METTL2B: variants seen among roughly 807,000 people sequenced by gnomAD.
METTL2B encodes tRNA N(3)-cytidine methyltransferase METTL2B.
A neutral mutation model predicts 51.0 loss-of-function variants in METTL2B; 28 were observed. The ratio of observed to expected loss-of-function variants is 0.55; its 90% confidence interval spans 0.41 to 0.75. The LOEUF is 0.75. METTL2B is among the 30% of genes least tolerant of loss of function. The pLI is 0.00. For missense variants in METTL2B, 313 were observed against 460.7 expected (o/e 0.68, Z 2.93); for synonymous variants, 128 against 166.3 (o/e 0.77, Z 1.77).
At chr7:128,501,074 T>C (rs1793020156) in intron 8 of METTL2B, 106 bp downstream of exon 8, 4 of 1,565,082 alleles carry the variant, frequency 2.6e-6, no homozygotes, top group Non-Finnish European at 3.5e-6. Flanking sequence ...TTAGGCAGGC[T>C]GTTTCCTTCG....
chr7:128,501,761 G>A lies in METTL2B; in HGVS notation c.983-1G>A. The A allele has an allele frequency of 6.2e-7, 1 of 1,613,874 alleles. No homozygotes were observed. Among genetic ancestry groups the A allele is most frequent in the South Asian group, 1.1e-5 (1 of 91,008 alleles). On this transcript the variant is annotated splice_acceptor_variant, in intron 8 of 8. Transcript: ENST00000262432. LOFTEE classifies it high-confidence loss of function. ...TAAACATCTTTTATTTTCCACACTA[G>A]AGGAACTGGACACGCTTTTCACCAC...
chr7:128,479,135 A>C (rs1799841306), intron 2 of METTL2B, 23 bp from the exon 3 acceptor site: 2 of 1,568,068 alleles, frequency 1.3e-6, no homozygotes, highest in African/African-American at 1.4e-5. Flanking sequence ...TGGTTCTTAA[A>C]ATTTTTTCTT....
At chr7:128,501,396 G>A (rs1346043188) in intron 8 of METTL2B, 3 of 985,440 alleles carry the variant, frequency 3.0e-6, no homozygotes, top group Non-Finnish European at 3.6e-6. Flanking sequence ...TGGGCCTTCT[G>A]TTCCTGGGCC....
chr7:128,477,264 A>G, intron 2 of METTL2B, 91 bp downstream of exon 2: 14 of 1,541,906 alleles, frequency 9.1e-6, no homozygotes, highest in Non-Finnish European at 1.2e-5. Context: ...GGCCGCCCAC[A>G]TCCTTTATTC....
At chr7:128,496,401 A>G (rs1447614430) in intron 6 of METTL2B, among the ~76,000 whole-genome samples, 1 of 152,084 alleles carries the variant, frequency 6.6e-6, no homozygotes, top group Non-Finnish European at 1.5e-5. Flanking sequence ...AAAATAAAAA[A>G]ATTAGCCAGG....
At position 128,498,079 on chromosome 7, in the gene METTL2B, G is replaced by A; in HGVS notation, c.853G>A (p.Gly285Arg). ...CAGGCTGAGCAGGCTTCTGAAACCT[G>A]GGGGGATGGTACTTCTGCGAGATTA... The part of the protein sequence containing the change: ...INRLSRLLKP[G>R]GMVLLRDYGR... Residue 285 changes from glycine (G) to arginine (R), a missense_variant, in exon 7 of 9, where the codon GGG (glycine) becomes AGG (arginine). By Grantham distance (125) the Gly-to-Arg change is moderately radical (BLOSUM62 -2). Coordinates refer to ENST00000262432, the MANE Select transcript of METTL2B (RefSeq NM_018396.3). 1 of 1,613,582 alleles carries A rather than the reference G, an allele frequency of 6.2e-7. No individual in the cohort carries two copies. Among genetic ancestry groups the A allele is most frequent in the African/African-American group, 1.3e-5 (1 of 75,008 alleles).
chr7:128,478,358 C>T (rs1437090933), intron 2 of METTL2B, among the ~76,000 whole-genome samples: 3 of 151,196 alleles, frequency 2.0e-5, no homozygotes, highest in Non-Finnish European at 2.9e-5. Flanking sequence ...TGAAGCGATT[C>T]CCCTGCCTCA....
intron 4 of METTL2B, among the ~76,000 whole-genome samples, chr7:128,482,530 C>A (rs911950656): frequency 5.3e-5 from 8 of 152,016 alleles, no homozygotes; most frequent in African/African-American, 1.9e-4. Context: ...ATTTATTATA[C>A]CATACCTGTT....
chr7:128,492,561 C>G (rs527977198), intron 5 of METTL2B, among the ~76,000 whole-genome samples: 4 of 151,986 alleles, frequency 2.6e-5, no homozygotes, highest in Non-Finnish European at 5.9e-5. Flanking sequence ...GGATTCTAGG[C>G]GTGATCCACT....
rs868609660 is a variant in METTL2B, at chr7:128,502,617, C to G, written c.*701C>G. On this transcript the variant is annotated 3_prime_UTR_variant, in exon 9 of 9. Coordinates refer to ENST00000262432, the MANE Select transcript of METTL2B (RefSeq NM_018396.3). The stretch of plus-strand genomic sequence containing the variant: ...GTGGTCTTTGCTTTAATCTTAGTTC[C>G]GCCAGGCACGGTGGCTCACACCTGT... The G allele has an allele frequency of 2.2e-6, 1 of 453,588 alleles. No individual in the cohort carries two copies. The allele number at this position is 453,588 out of a possible 1,614,324, so 28.1% of individuals were successfully genotyped here.
At chr7:128,479,562 G>C in intron 3 of METTL2B, 49 bp downstream of exon 3, 2 of 1,575,778 alleles carry the variant, frequency 1.3e-6, no homozygotes, top group Non-Finnish European at 1.7e-6. Flanking sequence ...TATTATATTT[G>C]TGCACATGAG....
chr7:128,496,242 A>G (rs921020116), intron 6 of METTL2B, among the ~76,000 whole-genome samples: 3 of 152,156 alleles, frequency 2.0e-5, no homozygotes, highest in Non-Finnish European at 4.4e-5. Context: ...ATGGTTTTAA[A>G]CTTTAATAAT....
Position 128,493,938 on chromosome 7 carries a change from A to G in METTL2B, c.804A>G (p.Pro268=). The change falls in exon 6 of 9, where the codon CCA becomes CCG. Residue 268 remains proline (P), a synonymous_variant. Transcript: ENST00000262432. ...TATTTGTTCTTTCAGCAGTTGTTCC[A>G]GACAAGTAAGTTTGGGTCCCTTAGC... ...ILIFVLSAVV[P]DKMQKAINRL... The G allele has an allele frequency of 6.3e-7, 1 of 1,592,070 alleles. No homozygotes were observed. The highest frequency in any genetic ancestry group is 1.9e-5 in the Admixed American group (1 of 52,676).
Position 128,477,164 on chromosome 7 carries a change from G to A in METTL2B, c.193G>A (p.Glu65Lys), listed in dbSNP as rs758023816. Residue 65 changes from glutamate (E) to lysine (K), a missense_variant, in exon 2 of 9, where the codon GAG (glutamate) becomes AAG (lysine). Glu to Lys is a moderately conservative substitution (Grantham distance 56). This residue lies in a region of METTL2B where 67 missense variants were observed against 101.4 expected (regional missense o/e 0.66). Transcript: ENST00000262432. ...QENSIQRVCQ[E>K]KQVDYEINAH... ...GAACAGTATCCAGCGGGTGTGCCAG[G>A]AGAAACAAGGTGCGCTTAAATGGGC... 5 of 1,613,906 alleles carry A rather than the reference G, an allele frequency of 3.1e-6. No individual in the cohort carries two copies. Among genetic ancestry groups the A allele is most frequent in the Middle Eastern group, 1.7e-4 (1 of 6,056 alleles).
At chr7:128,494,747 C>G (rs1175595866) in intron 6 of METTL2B, among the ~76,000 whole-genome samples, 1 of 152,150 alleles carries the variant, frequency 6.6e-6, no homozygotes, top group Non-Finnish European at 1.5e-5. Context: ...CCTGCCTCAA[C>G]CTCCCGAGTA....
intron 5 of METTL2B, among the ~76,000 whole-genome samples, chr7:128,492,307 C>T (rs1470481433): frequency 2.6e-5 from 4 of 151,852 alleles, no homozygotes; most frequent in African/African-American, 9.7e-5. Flanking sequence ...CAGGCGGGTG[C>T]CACTGCACCC....
At chr7:128,485,169 A>G (rs917964031) in intron 4 of METTL2B, among the ~76,000 whole-genome samples, 4 of 152,204 alleles carry the variant, frequency 2.6e-5, no homozygotes, top group African/African-American at 9.7e-5. Flanking sequence ...TCTGATTTTA[A>G]AAATAATACT....
intron 2 of METTL2B, 60 bp downstream of exon 2, chr7:128,477,233 C>G: frequency 1.2e-6 from 2 of 1,605,430 alleles, no homozygotes; most frequent in Non-Finnish European, 1.7e-6. Flanking sequence ...ACGCGCCCTC[C>G]CGGAGAGGCC....
chr7:128,496,734 G>A (rs1792929201), intron 6 of METTL2B, among the ~76,000 whole-genome samples: 1 of 151,694 alleles, frequency 6.6e-6, no homozygotes, highest in Admixed American at 6.6e-5. Context: ...GGGCAACATA[G>A]CATAGCAGGA....
Sources: allele counts gnomAD v4.1 joint callset (sites outside exome capture counted in the v4.1 genomes callset), GRCh38; gene constraint gnomAD v4.1.1; regional missense constraint gnomAD v4.1.1; transcripts MANE v1.5; gene names NCBI Gene and HGNC (gene_info 2026-07-23, HGNC 2026-07-21).